Variants in LOXHD1 observed in about 807,000 individuals in gnomAD.
LOXHD1 encodes the protein lipoxygenase homology PLAT domains 1, also known as lipoxygenase homology domain-containing protein 1.
In LOXHD1, 205 loss-of-function variants were observed where a neutral mutation model predicts 248.2. The ratio of observed to expected loss-of-function variants is 0.83; its 90% CI spans 0.74 to 0.93. The LOEUF is 0.93. LOXHD1 is among the 40% of genes least tolerant of loss of function. The probability of loss-of-function intolerance (pLI) is 0.00; values close to 1 mark genes in which losing one functional copy is unlikely to be tolerated. For missense variants in LOXHD1, 2,930 were observed against 2,971.6 expected, an observed-to-expected ratio of 0.99 and a Z score of 0.33; for synonymous variants, 1,113 against 1,162.8, an observed-to-expected ratio of 0.96 and a Z score of 0.87.
chr18:46,653,941 C>T (rs576950324), intron 1 of LOXHD1, among the ~76,000 whole-genome samples: 13 of 152,308 alleles, frequency 8.5e-5, no homozygotes, highest in Admixed American at 7.8e-4. Context: ...AAAAGATAGG[C>T]ATTTCATAAG....
At chr18:46,533,658 T>C in intron 27 of LOXHD1, 1 of 330,326 alleles carries the variant, frequency 3.0e-6, no homozygotes, top group South Asian at 2.7e-5. Flanking sequence ...GCATGGTGGC[T>C]CATGCCTGTA....
intron 37 of LOXHD1, among the ~76,000 whole-genome samples, chr18:46,503,719 G>A (rs1733396015): frequency 1.3e-5 from 2 of 152,208 alleles, no homozygotes; most frequent in African/African-American, 2.4e-5. Context: ...AATGCCACTT[G>A]AATGATCAAG....
chr18:46,542,586 TG>T, intron 24 of LOXHD1, 140 bp downstream of exon 24: 2 of 1,040,216 alleles, frequency 1.9e-6, no homozygotes, highest in Non-Finnish European at 2.8e-6. Flanking sequence ...TCGGCTCTAC[TG>T]GGCTAAAGGG....
intron 1 of LOXHD1, among the ~76,000 whole-genome samples, chr18:46,650,224 A>G (rs1456370789): frequency 6.6e-6 from 1 of 152,194 alleles, no homozygotes; most frequent in African/African-American, 2.4e-5. Context: ...CTTCTGAGTC[A>G]AAATCTTGCA....
At position 46,656,921 on chromosome 18, in the gene LOXHD1, T is replaced by TACTACAAGTACTTGTAGTACCTTGTAGTA. The variant is rs1440959008; in HGVS notation, c.112_113insTACTACAAGGTACTACAAGTACTTGTAGT (p.Glu38ValfsTer70). ...CCCCGCACCTCTGGCCTTGTAGTAC[T>TACTACAAGTACTTGTAGTACCTTGTAGTA]CGTGTTCCAGCTCCCCCTCGTCGTC... On this transcript the variant is annotated frameshift_variant, in exon 1 of 41. Transcript: ENST00000642948. LOFTEE classifies it high-confidence loss of function. The TACTACAAGTACTTGTAGTACCTTGTAGTA allele has an allele frequency of 6.4e-7, 1 of 1,551,442 alleles. No individual in the cohort carries two copies. The highest frequency in any genetic ancestry group is 8.7e-7 in the Non-Finnish European group (1 of 1,146,912).
At chr18:46,483,964 C>G (rs1468666163) in intron 39 of LOXHD1, among the ~76,000 whole-genome samples, 1 of 151,896 alleles carries the variant, frequency 6.6e-6, no homozygotes, top group Non-Finnish European at 1.5e-5. Context: ...GGCCTCAGCA[C>G]CAAAGAATGG....
chr18:46,583,954 A>G (rs2038011666), intron 12 of LOXHD1, among the ~76,000 whole-genome samples: 1 of 152,174 alleles, frequency 6.6e-6, no homozygotes, highest in Non-Finnish European at 1.5e-5. Flanking sequence ...TAAGTGTCCA[A>G]CAATGGATGA....
rs2036157760 is a variant in LOXHD1, at chr18:46,533,295, A to C, written c.4242T>G (p.Asp1414Glu). 6.4e-7 allele frequency: 1 copy of C among 1,551,736 alleles called. No individual in the cohort carries two copies. Among genetic ancestry groups the C allele is most frequent in the Non-Finnish European group, 8.7e-7 (1 of 1,147,028 alleles). The change falls in exon 28 of 41, where the codon GAT becomes GAG. Residue 1414 changes from aspartate to glutamate, a missense_variant. Physicochemically the swap from Asp to Glu is conservative, Grantham distance 45. Transcript: ENST00000642948. ...CATCCTCAGAGGTGGCAAGCCACCGATCGCATGGGAAAGTCAAGGTCTCTG... is the reference window on the plus strand; with the variant it reads ...CATCCTCAGAGGTGGCAAGCCACCGCTCGCATGGGAAAGTCAAGGTCTCTG... ...DGAETLTFPC[D>E]RWLATSEDDK...
chr18:46,626,446 G>A (rs1234757627), intron 4 of LOXHD1, among the ~76,000 whole-genome samples: 1 of 152,184 alleles, frequency 6.6e-6, no homozygotes, highest in Non-Finnish European at 1.5e-5. Flanking sequence ...GCTGAGGCAG[G>A]AGAATCACCT....
intron 21 of LOXHD1, among the ~76,000 whole-genome samples, chr18:46,547,608 C>T (rs1470763673): frequency 2.6e-5 from 4 of 152,096 alleles, no homozygotes; most frequent in Middle Eastern, 3.4e-3. Flanking sequence ...GGAGGTAACA[C>T]CCAGCACAAG....
intron 2 of LOXHD1, among the ~76,000 whole-genome samples, chr18:46,645,998 C>T (rs2039024337): frequency 6.6e-6 from 1 of 152,188 alleles, no homozygotes; most frequent in Admixed American, 6.5e-5. Flanking sequence ...CTCTAATATT[C>T]CTTTTTAAGT....
intron 12 of LOXHD1, among the ~76,000 whole-genome samples, chr18:46,590,869 A>AGT (rs367878486): frequency 0.79 from 120,928 of 152,168 alleles, 48,584 homozygotes; most frequent in Non-Finnish European, 0.86. Flanking sequence ...AATATTCTAC[A>AGT]CAAATATTCT....
In LOXHD1 at chr18:46,610,842, C is replaced by T; in HGVS notation, c.693G>A (p.Gly231=). ...GGCCAACATTGATCTTCATCAGCTG[C>T]CCCAAATCCGGGGCATCCAGGATGA... ...DRFILDAPDL[G]QLMKINVGHN... is the part of the protein sequence containing the mutation. The change falls in exon 6 of 41, where the codon GGG becomes GGA. Residue 231 remains glycine (G), a synonymous_variant. Transcript: ENST00000642948. 1 of 1,551,792 alleles carries T rather than the reference C, an allele frequency of 6.4e-7. No individual in the cohort carries two copies. Among genetic ancestry groups the T allele is most frequent in the African/African-American group, 1.4e-5 (1 of 73,180 alleles).
Position 46,547,029 on chromosome 18 carries a change from G to A in LOXHD1, c.3380C>T (p.Ala1127Val). The change falls in exon 22 of 41, where the codon GCA becomes GTA. Residue 1127 changes from alanine (A) to valine (V), a missense_variant. Ala to Val is a moderately conservative substitution (Grantham distance 64). Coordinates refer to ENST00000642948, the MANE Select transcript of LOXHD1 (RefSeq NM_001384474.1). The stretch of plus-strand genomic sequence containing the variant: ...CAGCTGGCCATCATCTTCCTCCACT[G>A]CCAGCCAACGTTGGCATGGAAAGTA... ...TYYFPCQRWL[A>V]VEEDDGQLSR... The A allele has an allele frequency of 6.4e-7, 1 of 1,551,774 alleles. No homozygotes were observed. The highest frequency in any genetic ancestry group is 8.7e-7 in the Non-Finnish European group (1 of 1,147,014).
intron 4 of LOXHD1, among the ~76,000 whole-genome samples, chr18:46,636,780 C>T (rs1400637745): frequency 6.6e-6 from 1 of 152,164 alleles, no homozygotes; most frequent in African/African-American, 2.4e-5. Flanking sequence ...AAGTAGCAGC[C>T]AAATACCAAG....
chr18:46,590,952 TA>T (rs2038156590), intron 12 of LOXHD1, among the ~76,000 whole-genome samples: 1 of 152,244 alleles, frequency 6.6e-6, no homozygotes, highest in African/African-American at 2.4e-5. Flanking sequence ...ATTGCCTAAT[TA>T]AACTAACAGA....
chr18:46,576,454 C>G (rs968180111), intron 14 of LOXHD1, among the ~76,000 whole-genome samples: 7 of 152,122 alleles, frequency 4.6e-5, no homozygotes, highest in Non-Finnish European at 8.8e-5. Context: ...CACCCCTCAG[C>G]CCCTTGCTCA....
At position 46,546,994 on chromosome 18, in the gene LOXHD1, G is replaced by T. The variant is rs1254285738; in HGVS notation, c.3415C>A (p.Leu1139Met). The T allele has an allele frequency of 2.6e-6, 4 of 1,551,646 alleles. No homozygotes were observed. The Admixed American group carries it at 5.9e-5, about 23-fold the overall frequency. Residue 1139 changes from leucine (L) to methionine (M), a missense_variant, in exon 22 of 41, where the codon CTG (leucine) becomes ATG (methionine). Physicochemically the swap from Leu to Met is conservative, Grantham distance 15. Transcript: ENST00000642948. ...EEDDGQLSRE[L>M]LPVDESYVLP... is the part of the protein sequence containing the mutation. ...ACATAGGACTCATCCACTGGCAACA[G>T]CTCCCTGGACAGCTGGCCATCATCT... is the stretch of plus-strand genomic sequence containing the variant.
chr18:46,618,320 C>T, intron 4 of LOXHD1, 30 bp from the exon 5 acceptor site: 2 of 1,469,692 alleles, frequency 1.4e-6, no homozygotes, highest in Non-Finnish European at 1.9e-6. Flanking sequence ...AAAACCTTAG[C>T]TCATCAGGAT....
Sources: gnomAD v4.1 joint callset for allele counts (sites outside exome capture counted in the v4.1 genomes callset) on GRCh38, gnomAD v4.1.1 for gene constraint, MANE v1.5 for transcripts, NCBI Gene and HGNC (gene_info 2026-07-23, HGNC 2026-07-21) for gene names.